The following BANK1 variants were observed in gnomAD, a reference collection of about 807,000 sequenced individuals.
BANK1 encodes the protein B cell scaffold protein with ankyrin repeats 1.
BANK1 carries 95 observed loss-of-function variants against 94.5 expected under a neutral mutation model. The observed-to-expected ratio is 1.00, with a 90% CI of 0.85 to 1.19. The LOEUF (loss-of-function observed/expected upper bound fraction) is 1.19. Ranked by LOEUF, BANK1 falls within the 50% of genes most tolerant of loss-of-function variation. BANK1 has a pLI of 0.00. For missense variants in BANK1, 987 were observed against 932.2 expected (o/e 1.06, Z -0.77); for synonymous variants, 334 against 308.4 (o/e 1.08, Z -0.87).
intron 7 of BANK1, among the ~76,000 whole-genome samples, chr4:101,995,866 T>C (rs1725860912): frequency 6.6e-6 from 1 of 152,210 alleles, no homozygotes; most frequent in African/African-American, 2.4e-5. Flanking sequence ...GATGGATAGA[T>C]TGCAAAAATT....
At position 101,933,300 on chromosome 4, in the gene BANK1, G is replaced by A. The variant is rs938357888; in HGVS notation, c.1206+15111G>A. Among the ~76,000 whole-genome samples, 8 of 140,452 alleles carry A rather than the reference G, an allele frequency of 5.7e-5. No homozygotes were observed. In the East Asian group the frequency reaches 8.3e-4, roughly 15 times the overall value. 92.1% of individuals were successfully genotyped at this position (140,452 alleles called of 152,430 possible). ...GTATTCAATGGCCACCAGAGAGACC[G>A]GTAAGAAAGGAGAAAAAAAAAAAAA... On this transcript the variant is annotated intron_variant, in intron 7 of 16. Transcript: ENST00000322953.
chr4:101,878,767 AT>A (rs1336978591), intron 5 of BANK1, among the ~76,000 whole-genome samples: 1 of 152,298 alleles, frequency 6.6e-6, no homozygotes, highest in East Asian at 1.9e-4. Context: ...TCTGACCACA[AT>A]GGAGTAAAAT....
At chr4:101,798,915 T>A (rs1578323142) in intron 1 of BANK1, among the ~76,000 whole-genome samples, 3 of 152,344 alleles carry the variant, frequency 2.0e-5, no homozygotes, top group African/African-American at 7.2e-5. Flanking sequence ...GTAGGTTGCC[T>A]GTTCACTCTG....
At chr4:102,000,893 T>C (rs906453561) in intron 7 of BANK1, among the ~76,000 whole-genome samples, 3 of 152,200 alleles carry the variant, frequency 2.0e-5, no homozygotes, top group Admixed American at 1.3e-4. Flanking sequence ...TGCTTATAAG[T>C]GACCTGCACT....
intron 7 of BANK1, among the ~76,000 whole-genome samples, chr4:102,016,616 C>T (rs186677797): frequency 5.3e-5 from 8 of 152,254 alleles, no homozygotes; most frequent in East Asian, 3.9e-4. Flanking sequence ...TCAGGGTCAC[C>T]GGTGACTTGG....
intron 2 of BANK1, among the ~76,000 whole-genome samples, chr4:101,849,134 G>T (rs1398781724): frequency 6.6e-6 from 1 of 152,176 alleles, no homozygotes; most frequent in Non-Finnish European, 1.5e-5. Flanking sequence ...CATTAAAGTT[G>T]TCATTACTTC....
chr4:102,052,831 T>A (rs1212788294), intron 11 of BANK1, among the ~76,000 whole-genome samples: 1 of 151,918 alleles, frequency 6.6e-6, no homozygotes, highest in Non-Finnish European at 1.5e-5. Context: ...CATAAACAAA[T>A]GGAAAATATG....
At chr4:101,916,925 A>G (rs757941727) in intron 6 of BANK1, among the ~76,000 whole-genome samples, 1 of 152,056 alleles carries the variant, frequency 6.6e-6, no homozygotes, top group African/African-American at 2.4e-5. Context: ...AAACAAATGT[A>G]CACTGTAGAT....
chr4:101,838,847 T>C (rs567433209), intron 2 of BANK1, among the ~76,000 whole-genome samples: 2 of 152,356 alleles, frequency 1.3e-5, no homozygotes, highest in African/African-American at 4.8e-5. Context: ...CTTTAAACTT[T>C]ATTTTCTTAA....
intron 7 of BANK1, among the ~76,000 whole-genome samples, chr4:101,927,195 T>C (rs1723187241): frequency 6.6e-6 from 1 of 151,612 alleles, no homozygotes; most frequent in Non-Finnish European, 1.5e-5. Flanking sequence ...AGCAGTCGCG[T>C]CTTATATGGC....
chr4:101,995,999 T>C (rs1311601088), intron 7 of BANK1, among the ~76,000 whole-genome samples: 1 of 152,208 alleles, frequency 6.6e-6, no homozygotes, highest in Non-Finnish European at 1.5e-5. Flanking sequence ...GCTTTTGGTG[T>C]TTTAGTCACG....
At chr4:102,014,776 T>C (rs1195163156) in intron 7 of BANK1, among the ~76,000 whole-genome samples, 6 of 152,142 alleles carry the variant, frequency 3.9e-5, no homozygotes, top group African/African-American at 1.4e-4. Context: ...ATATGTTAGA[T>C]GGAATGTCTG....
chr4:102,025,576 A>G (rs112409728), intron 9 of BANK1, 67 bp downstream of exon 9: 22,666 of 1,446,386 alleles, frequency 0.016, 238 homozygotes, highest in Non-Finnish European at 0.018. Context: ...TACATAGCAA[A>G]TAGTGCAGTG....
In BANK1 at chr4:101,849,259, C is replaced by T. The variant is rs139466404; in HGVS notation, c.470-5776C>T. ...CCTTGAAGTATGTTCAGTTGATATACAATAATGCATTTATTTTACCAATAG... is the reference window on the plus strand; with the variant it reads ...CCTTGAAGTATGTTCAGTTGATATATAATAATGCATTTATTTTACCAATAG... On this transcript the variant is annotated intron_variant, in intron 2 of 16. Coordinates refer to ENST00000322953, the MANE Select transcript of BANK1 (RefSeq NM_017935.5). Among the ~76,000 whole-genome samples, 512 of 152,242 alleles carry T rather than the reference C, an allele frequency of 3.4e-3. 4 individuals are homozygous for T. The highest frequency in any genetic ancestry group is 0.011 in the African/African-American group (477 of 41,552).
intron 7 of BANK1, among the ~76,000 whole-genome samples, chr4:101,976,295 T>C (rs1016824090): frequency 4.6e-5 from 7 of 152,106 alleles, no homozygotes; most frequent in Non-Finnish European, 8.8e-5. Flanking sequence ...GGGGTTAGGT[T>C]TCTCCATTTT....
intron 6 of BANK1, among the ~76,000 whole-genome samples, chr4:101,911,709 A>G (rs368778306): frequency 6.6e-6 from 1 of 152,210 alleles, no homozygotes; most frequent in South Asian, 2.1e-4. Flanking sequence ...TAAGGCAGCA[A>G]TTTAGATTGT....
In BANK1 at chr4:101,970,249, A is replaced by G. The variant is rs1724909189; in HGVS notation, c.1207-51265A>G. Among the ~76,000 whole-genome samples the G allele has an allele frequency of 2.0e-5, 3 of 152,274 alleles. No homozygotes were observed. The South Asian group carries it at 6.2e-4, about 32-fold the overall frequency. ...CATAGTACGGATTCAATAGGTAGCT[A>G]CTATTACCATGGATATTGTTATAGT... On this transcript the variant is annotated intron_variant, in intron 7 of 16. Transcript: ENST00000322953.
intron 14 of BANK1, among the ~76,000 whole-genome samples, 199 bp downstream of exon 14, chr4:102,071,503 A>G (rs886638261): frequency 6.6e-6 from 1 of 152,212 alleles, no homozygotes; most frequent in Non-Finnish European, 1.5e-5. Context: ...AAGGCACCAT[A>G]ACGTAATAAA....
chr4:101,977,890 C>T (rs1214184953), intron 7 of BANK1, among the ~76,000 whole-genome samples: 1 of 152,048 alleles, frequency 6.6e-6, no homozygotes, highest in African/African-American at 2.4e-5. Flanking sequence ...ATATTTCTTC[C>T]TCAAATTTCA....
Sources: gnomAD v4.1 joint callset for allele counts (sites outside exome capture counted in the v4.1 genomes callset) on GRCh38, gnomAD v4.1.1 for gene constraint, MANE v1.5 for transcripts, NCBI Gene and HGNC (gene_info 2026-07-23, HGNC 2026-07-21) for gene names.